The following SCN8A variants were observed in gnomAD, a reference collection of about 807,000 sequenced individuals.
The protein encoded by SCN8A is sodium channel protein type 8 subunit alpha.
A neutral mutation model predicts 184.1 loss-of-function variants in SCN8A; 30 were observed. That is an observed-to-expected ratio of 0.16 (90% CI 0.12 to 0.22). The LOEUF (loss-of-function observed/expected upper bound fraction) is 0.22. Among genes scored for constraint, SCN8A ranks in the 10% least tolerant of loss-of-function variants. The probability of loss-of-function intolerance (pLI) is 1.00; values close to 1 mark genes in which losing one functional copy is unlikely to be tolerated. For synonymous variants in SCN8A, 852 were observed against 907.0 expected (o/e 0.94, Z 1.09); for missense variants, 1,057 against 2,498.9 (o/e 0.42, Z 12.30).
Position 51,702,788 on chromosome 12 carries a change from A to G in SCN8A, c.1008A>G (p.Gly336=), listed in dbSNP as rs1320831122. The G allele has an allele frequency of 6.2e-7, 1 of 1,608,112 alleles. No homozygotes were observed. The highest frequency in any genetic ancestry group is 1.7e-5 in the Admixed American group (1 of 59,446). The change falls in exon 9 of 27, where the codon GGA becomes GGG. Residue 336 remains glycine (G), a synonymous_variant. Transcript: ENST00000627620. ...CTTTCTTTAGGCAATGCCCAGAGGG[A>G]TACCAGTGTATGAAAGCAGGAAGGA... ...NSSDAGQCPE[G]YQCMKAGRNP... is the part of the protein sequence containing the mutation.
chr12:51,595,241 T>G (rs1939321240), intron 1 of SCN8A, among the ~76,000 whole-genome samples: 3 of 152,200 alleles, frequency 2.0e-5, no homozygotes, highest in African/African-American at 7.2e-5. Flanking sequence ...ACTCTTACCC[T>G]GTAAGTTTAT....
intron 26 of SCN8A, among the ~76,000 whole-genome samples, chr12:51,800,664 G>T (rs1372819508): frequency 6.6e-6 from 1 of 152,186 alleles, no homozygotes; most frequent in Non-Finnish European, 1.5e-5. Context: ...GGGACCCACT[G>T]TAAGTCAGAC....
chr12:51,634,659 T>TTA (rs1565867365), intron 1 of SCN8A, among the ~76,000 whole-genome samples: 6 of 128,418 alleles, frequency 4.7e-5, no homozygotes, highest in African/African-American at 1.9e-4. Flanking sequence ...TATTATTATT[T>TTA]TTTTTTTTTG....
intron 1 of SCN8A, among the ~76,000 whole-genome samples, chr12:51,653,120 G>A (rs1940752355): frequency 6.6e-6 from 1 of 152,154 alleles, no homozygotes; most frequent in African/African-American, 2.4e-5. Flanking sequence ...AGGAGTTTGA[G>A]ACCAGCCTGA....
At chr12:51,713,899 G>T (rs187052557) in intron 11 of SCN8A, among the ~76,000 whole-genome samples, 1 of 150,718 alleles carries the variant, frequency 6.6e-6, no homozygotes, top group African/African-American at 2.4e-5. Flanking sequence ...ATATAGTAAT[G>T]ATAAACCCAT....
chr12:51,782,945 A>G (rs1228493252), intron 21 of SCN8A, among the ~76,000 whole-genome samples: 3 of 152,226 alleles, frequency 2.0e-5, no homozygotes, highest in African/African-American at 7.2e-5. Context: ...GAAAAGCATT[A>G]CGATGTTTTA....
chr12:51,745,545 G>A (rs1460604072), intron 12 of SCN8A, among the ~76,000 whole-genome samples: 4 of 152,110 alleles, frequency 2.6e-5, no homozygotes, highest in African/African-American at 9.7e-5. Flanking sequence ...CAAATATTGT[G>A]GATTTGAGAT....
In SCN8A at chr12:51,632,997, T is replaced by C. The variant is rs540674162; in HGVS notation, c.-54-29767T>C. Among the ~76,000 whole-genome samples, 7 of 152,312 alleles carry C rather than the reference T, an allele frequency of 4.6e-5. No homozygotes were observed. The South Asian group carries it at 1.2e-3, about 27-fold the overall frequency. ...TTTCTGATCTATACAATAAGAATAA[T>C]AACAACATCTGCCTGCTCTGGGTTA... On this transcript the variant is annotated intron_variant, in intron 1 of 26. Coordinates refer to ENST00000627620, the MANE Select transcript of SCN8A (RefSeq NM_001330260.2).
At chr12:51,643,956 T>C (rs565058205) in intron 1 of SCN8A, among the ~76,000 whole-genome samples, 2 of 152,348 alleles carry the variant, frequency 1.3e-5, no homozygotes, top group South Asian at 4.1e-4. Context: ...TTGGTCATTG[T>C]TGTGTTAAGG....
Position 51,721,924 on chromosome 12 carries a change from G to T in SCN8A, c.1998+16G>T. The stretch of plus-strand genomic sequence containing the variant: ...CCTGCCAGAGGTGAAAATTGATAAG[G>T]CAGCTACCGATGACAGTGTAAGGAA... On this transcript the variant is annotated intron_variant, in intron 12 of 26. Transcript: ENST00000627620. The T allele has an allele frequency of 6.3e-7, 1 of 1,599,668 alleles. No homozygotes were observed. The highest frequency in any genetic ancestry group is 2.2e-5 in the East Asian group (1 of 44,868).
At chr12:51,773,869 G>A (rs1262013567) in intron 19 of SCN8A, among the ~76,000 whole-genome samples, 2 of 152,140 alleles carry the variant, frequency 1.3e-5, no homozygotes, top group African/African-American at 2.4e-5. Context: ...AGGGGGTTGG[G>A]GGTTTAGGGG....
chr12:51,794,168 A>G (rs1450003421), intron 25 of SCN8A, among the ~76,000 whole-genome samples: 1 of 152,096 alleles, frequency 6.6e-6, no homozygotes, highest in Non-Finnish European at 1.5e-5. Flanking sequence ...CAGAAAACAG[A>G]GAGAAGCTGG....
At chr12:51,770,373 A>T (rs1592152289) in intron 18 of SCN8A, 156 bp from the exon 19 acceptor site, 2 of 842,332 alleles carry the variant, frequency 2.4e-6, no homozygotes, top group East Asian at 5.4e-5. Context: ...CAGCCCTGCC[A>T]CCCTCTCCAT....
intron 20 of SCN8A, among the ~76,000 whole-genome samples, chr12:51,779,475 G>A (rs1415313930): frequency 1.3e-5 from 2 of 152,186 alleles, no homozygotes; most frequent in Non-Finnish European, 2.9e-5. Context: ...GAGGTCTGCA[G>A]GCTTCTTCCC....
At chr12:51,744,302 A>C (rs1457609028) in intron 12 of SCN8A, among the ~76,000 whole-genome samples, 1 of 152,200 alleles carries the variant, frequency 6.6e-6, no homozygotes, top group African/African-American at 2.4e-5. Flanking sequence ...ACTCTCAAAA[A>C]GCAAAAACAA....
In SCN8A at chr12:51,769,008, G is replaced by A. The variant is rs1357752989; in HGVS notation, c.3045G>A (p.Val1015=). 5 of 1,614,020 alleles carry A rather than the reference G, an allele frequency of 3.1e-6. No homozygotes were observed. In the East Asian group the frequency reaches 6.7e-5, roughly 22 times the overall value. Residue 1015 remains valine (V), a synonymous_variant, in exon 17 of 27, where the codon GTG becomes GTA. Transcript: ENST00000627620. ...GTGTGGCCTGGACCAAACTAAAGGT[G>A]CACGCCTTCATGCAGGCCCACTTTA... ...KKGVAWTKLK[V]HAFMQAHFKQ...
At chr12:51,730,904 A>G (rs1226793144) in intron 12 of SCN8A, among the ~76,000 whole-genome samples, 5 of 152,196 alleles carry the variant, frequency 3.3e-5, no homozygotes, top group Middle Eastern at 3.4e-3. Flanking sequence ...TCTACTTTCT[A>G]TCCTCAGGAG....
chr12:51,603,476 T>C (rs1261187891), intron 1 of SCN8A, among the ~76,000 whole-genome samples: 2 of 152,264 alleles, frequency 1.3e-5, no homozygotes, highest in Non-Finnish European at 2.9e-5. Context: ...CTGGTGATTA[T>C]GAATAGTACT....
At chr12:51,797,713 C>T (rs956597326) in intron 26 of SCN8A, among the ~76,000 whole-genome samples, 1 of 152,194 alleles carries the variant, frequency 6.6e-6, no homozygotes, top group African/African-American at 2.4e-5. Flanking sequence ...TCCATACCTC[C>T]ATTGTGGAGC....
Sources: gnomAD v4.1 joint callset for allele counts (sites outside exome capture counted in the v4.1 genomes callset) on GRCh38, gnomAD v4.1.1 for gene constraint, MANE v1.5 for transcripts, NCBI Gene and HGNC (gene_info 2026-07-23, HGNC 2026-07-21) for gene names.